C6: variants seen among roughly 807,000 people sequenced by gnomAD.
C6 encodes complement C6.
A neutral mutation model predicts 112.9 loss-of-function variants in C6; 101 were observed. That is an observed-to-expected ratio of 0.89 (90% CI 0.76 to 1.06). The LOEUF (loss-of-function observed/expected upper bound fraction) is 1.06, where lower values mean the gene tolerates loss of function less well. Among genes scored for constraint, C6 ranks in the 50% least tolerant of loss-of-function variants. C6 has a pLI of 0.00. For synonymous variants in C6, 431 were observed against 384.1 expected (o/e 1.12, Z -1.43); for missense variants, 1,202 against 1,104.6 (o/e 1.09, Z -1.25).
intron 17 of C6, among the ~76,000 whole-genome samples, chr5:41,146,472 C>T (rs890435298): frequency 6.6e-6 from 1 of 152,102 alleles, no homozygotes; most frequent in Non-Finnish European, 1.5e-5. Context: ...ACATTTTTAG[C>T]TTTCTCTGTC....
intron 1 of C6, among the ~76,000 whole-genome samples, chr5:41,244,757 A>G (rs1740923612): frequency 1.3e-5 from 2 of 152,148 alleles, no homozygotes; most frequent in Admixed American, 1.3e-4. Context: ...TACATAATAA[A>G]CTTTAGTTAA....
intron 1 of C6, among the ~76,000 whole-genome samples, chr5:41,234,341 T>TTTTTTTTG (rs1561195444): frequency 1.6e-4 from 23 of 145,864 alleles, no homozygotes; most frequent in African/African-American, 6.0e-4. Flanking sequence ...CCCTTTCGTT[T>TTTTTTTTG]TTTTTTTTGT....
chr5:41,152,162 A>G (rs1378169193), intron 15 of C6, among the ~76,000 whole-genome samples: 1 of 152,222 alleles, frequency 6.6e-6, no homozygotes, highest in Non-Finnish European at 1.5e-5. Context: ...GAAAGGGAAC[A>G]TGGTTTCAGG....
chr5:41,255,238 G>A (rs1272205944), intron 1 of C6, among the ~76,000 whole-genome samples: 1 of 151,886 alleles, frequency 6.6e-6, no homozygotes, highest in African/African-American at 2.4e-5. Flanking sequence ...GTGGGTGCCT[G>A]TAATCCCAGC....
intron 4 of C6, among the ~76,000 whole-genome samples, chr5:41,199,134 T>G (rs1414756447): frequency 6.6e-6 from 1 of 152,164 alleles, no homozygotes; most frequent in Admixed American, 6.6e-5. Context: ...AGGTCTTGGG[T>G]CAATTTTCTG....
chr5:41,205,977 C>T (rs765699453), intron 1 of C6, among the ~76,000 whole-genome samples: 10 of 152,126 alleles, frequency 6.6e-5, no homozygotes, highest in Admixed American at 2.0e-4. Context: ...CAGTACGGGC[C>T]GACTGACACC....
Position 41,199,971 on chromosome 5 carries a change from T to A in C6, c.301-59A>T, listed in dbSNP as rs560900179. ...GGCAGGGTCAAGGTCAAAATGTACC[T>A]AAGAAAACTGGGCTCCTCAATCACA... On this transcript the variant is annotated intron_variant, in intron 3 of 17. Coordinates refer to ENST00000337836, the MANE Select transcript of C6 (RefSeq NM_000065.5). The A allele has an allele frequency of 3.2e-4, 486 of 1,538,788 alleles. 4 individuals carry two copies. The highest frequency in any genetic ancestry group is 2.9e-3 in the Middle Eastern group (17 of 5,910).
At chr5:41,237,733 TC>T in intron 1 of C6, among the ~76,000 whole-genome samples, 1 of 43,078 alleles carries the variant, frequency 2.3e-5, no homozygotes, top group Non-Finnish European at 4.5e-5. Flanking sequence ...GCCAGGGCAA[TC>T]AGGCAGGAGA....
intron 1 of C6, among the ~76,000 whole-genome samples, chr5:41,246,094 T>C (rs1741003793): frequency 6.6e-6 from 1 of 152,178 alleles, no homozygotes; most frequent in African/African-American, 2.4e-5. Context: ...CTTGTCAAAG[T>C]TAAGACTTAA....
chr5:41,260,930 C>G (rs573376382), intron 1 of C6, among the ~76,000 whole-genome samples: 14 of 152,138 alleles, frequency 9.2e-5, no homozygotes, highest in Non-Finnish European at 1.6e-4. Flanking sequence ...AATTACACTT[C>G]AATTAGTAAT....
chr5:41,218,139 A>G (rs184068334), upstream of C6, among the ~76,000 whole-genome samples: 16 of 152,278 alleles, frequency 1.1e-4, no homozygotes, highest in Non-Finnish European at 1.8e-4. Context: ...TAGTTCTTTC[A>G]AGAACTTCAC....
intron 1 of C6, among the ~76,000 whole-genome samples, chr5:41,205,445 A>G (rs1751359413): frequency 6.6e-6 from 1 of 152,192 alleles, no homozygotes; most frequent in Non-Finnish European, 1.5e-5. Flanking sequence ...GGGATGTGCA[A>G]GGGGTCGGGG....
chr5:41,200,607 C>T (rs1750936077), intron 3 of C6, among the ~76,000 whole-genome samples: 1 of 152,110 alleles, frequency 6.6e-6, no homozygotes, highest in Non-Finnish European at 1.5e-5. Flanking sequence ...AGAACAGTTC[C>T]CCTCAGAAAG....
At chr5:41,219,541 T>C (rs1739035704) in intron 1 of C6, among the ~76,000 whole-genome samples, 1 of 152,170 alleles carries the variant, frequency 6.6e-6, no homozygotes. Flanking sequence ...TTCTGAGTTC[T>C]GAGGTTGTGG....
Position 41,161,840 on chromosome 5 carries a change from T to A in C6, c.1311A>T (p.Ala437=). ...EKHEGSFIQG[A]EKSISLIRGG... is the part of the protein sequence containing the mutation. ...CTCGAATCAGGGATATGGATTTCTCTGCTCCCTGTATAAATGAACCTGCAA... is the reference window on the plus strand; with the variant it reads ...CTCGAATCAGGGATATGGATTTCTCAGCTCCCTGTATAAATGAACCTGCAA... Residue 437 remains alanine (A), a synonymous_variant, in exon 10 of 18, where the codon GCA becomes GCT. Transcript: ENST00000337836. 1.2e-6 allele frequency: 2 copies of A among 1,613,622 alleles called. No individual in the cohort carries two copies. The highest frequency in any genetic ancestry group is 1.7e-6 in the Non-Finnish European group (2 of 1,179,648).
At chr5:41,238,287 A>G (rs536119006) in intron 1 of C6, among the ~76,000 whole-genome samples, 4 of 146,164 alleles carry the variant, frequency 2.7e-5, no homozygotes, top group Admixed American at 7.0e-5. Context: ...CCTAAGCCAA[A>G]AGAACAAAGC....
At chr5:41,188,046 A>G (rs989890636) in intron 5 of C6, among the ~76,000 whole-genome samples, 2 of 152,176 alleles carry the variant, frequency 1.3e-5, no homozygotes, top group Non-Finnish European at 2.9e-5. Context: ...CTCTCAAAGA[A>G]TAAAATCCTC....
chr5:41,176,410 G>C lies in C6; in HGVS notation c.1168+65C>G, dbSNP rs1748847372. 2.6e-6 allele frequency: 4 copies of C among 1,510,624 alleles called. No individual in the cohort carries two copies. In the East Asian group the frequency reaches 9.2e-5, roughly 35 times the overall value. 93.6% of individuals were successfully genotyped at this position (1,510,624 alleles called of 1,614,324 possible). A position where few individuals can be genotyped will look rare whatever the true frequency, so the allele number is the denominator to read the frequency against. ...AAAGCAGAATAATTAAAATGATAGA[G>C]TAAGAGAAAAATGTATTGCATGCTA... On this transcript the variant is annotated intron_variant, in intron 8 of 17. Transcript: ENST00000337836.
upstream of C6, among the ~76,000 whole-genome samples, chr5:41,218,027 A>G (rs2150401348): frequency 6.6e-6 from 1 of 152,270 alleles, no homozygotes; most frequent in South Asian, 2.1e-4. Context: ...CATAGGAGGA[A>G]CAGTATCTTG....
Sources: gnomAD v4.1 joint callset for allele counts (sites outside exome capture counted in the v4.1 genomes callset) on GRCh38, gnomAD v4.1.1 for gene constraint, MANE v1.5 for transcripts, NCBI Gene and HGNC (gene_info 2026-07-23, HGNC 2026-07-21) for gene names.